DLGAP4: variants seen among roughly 807,000 people sequenced by gnomAD.
The protein encoded by DLGAP4 is DLG associated protein 4.
Under a neutral mutation model 86.9 loss-of-function variants are expected in DLGAP4, and 18 were observed. That is an observed-to-expected ratio of 0.21 (90% CI 0.14 to 0.31). DLGAP4 has a LOEUF of 0.31. Among genes scored for constraint, DLGAP4 ranks in the 10% least tolerant of loss-of-function variants. The probability of loss-of-function intolerance (pLI) is 1.00; values close to 1 mark genes in which losing one functional copy is unlikely to be tolerated. For synonymous variants in DLGAP4, 548 were observed against 574.3 expected, an observed-to-expected ratio of 0.95 and a Z score of 0.65; for missense variants, 1,085 against 1,362.6, an observed-to-expected ratio of 0.80 and a Z score of 3.21.
intron 7 of DLGAP4, among the ~76,000 whole-genome samples, chr20:36,449,924 T>C (rs572068981): frequency 2.0e-5 from 3 of 152,250 alleles, no homozygotes; most frequent in African/African-American, 4.8e-5. Flanking sequence ...CTGCTCCACA[T>C]GTCTTTCATC....
chr20:36,501,971 T>G (rs1281144709), intron 10 of DLGAP4, among the ~76,000 whole-genome samples: 1 of 152,216 alleles, frequency 6.6e-6, no homozygotes, highest in East Asian at 1.9e-4. Context: ...CCGCCCTACC[T>G]GGGCCTTTCC....
intron 8 of DLGAP4, chr20:36,499,059 C>G (rs978857863): frequency 1.8e-5 from 11 of 609,774 alleles, no homozygotes; most frequent in Middle Eastern, 2.8e-4. Context: ...AGGGTTTGCC[C>G]TTAGTGCAGG....
At chr20:36,418,195 C>T (rs1348679353) in intron 2 of DLGAP4, among the ~76,000 whole-genome samples, 1 of 151,990 alleles carries the variant, frequency 6.6e-6, no homozygotes, top group African/African-American at 2.4e-5. Context: ...CTCACTGTAA[C>T]CTCTGCCTCC....
chr20:36,350,361 G>A lies in DLGAP4; in HGVS notation c.-303-16684G>A, dbSNP rs1156504282. 6.6e-6 allele frequency among the ~76,000 whole-genome samples: 1 copy of A among 152,212 alleles called. No homozygotes were observed. Among genetic ancestry groups the A allele is most frequent in the Admixed American group, 6.5e-5 (1 of 15,292 alleles). ...AGAGCAGTCCCTCCTGGGTGGGGCA[G>A]TGGGGTCCTGTGACCTTATCCATCC... is the stretch of plus-strand genomic sequence containing the variant. On this transcript the variant is annotated intron_variant, in intron 1 of 12. Coordinates refer to ENST00000339266, the MANE Select transcript of DLGAP4 (RefSeq NM_001365621.2). The surrounding 1 kb of genome is among the most constrained non-coding windows in gnomAD (Gnocchi z 4.4).
At position 36,360,248 on chromosome 20, in the gene DLGAP4, G is replaced by C. The variant is rs564156287; in HGVS notation, c.-303-6797G>C. Among the ~76,000 whole-genome samples, 4 of 152,334 alleles carry C rather than the reference G, an allele frequency of 2.6e-5. No homozygotes were observed. In the South Asian group the frequency reaches 8.3e-4, roughly 32 times the overall value. ...ACACAGCTATGAGGCGGTAGAGCTG[G>C]TATCTGACCCCAGGCTGTTTAGCTC... is the stretch of plus-strand genomic sequence containing the variant. On this transcript the variant is annotated intron_variant, in intron 1 of 12. Coordinates refer to ENST00000339266, the MANE Select transcript of DLGAP4 (RefSeq NM_001365621.2).
rs193215977 is a variant in DLGAP4, at chr20:36,513,502, T to C, written c.2513-10748T>C. Among the ~76,000 whole-genome samples the C allele has an allele frequency of 4.3e-5, 6 of 140,918 alleles. No individual in the cohort carries two copies. In the South Asian group the frequency reaches 8.8e-4, roughly 21 times the overall value. The allele number at this position is 140,918 out of a possible 152,430, so 92.4% of individuals were successfully genotyped here. A position where few individuals can be genotyped will look rare whatever the true frequency, so the allele number is the denominator to read the frequency against. On this transcript the variant is annotated intron_variant, in intron 10 of 12. Transcript: ENST00000339266. Reference sequence around the variant, plus strand: ...AGCGGAGCTTGCAGTGAGCCGAGATTGCGCCACTGCAGTCCGCAATCCGGC... The same window carrying C: ...AGCGGAGCTTGCAGTGAGCCGAGATCGCGCCACTGCAGTCCGCAATCCGGC...
At chr20:36,399,234 C>T (rs2032085078) in intron 2 of DLGAP4, among the ~76,000 whole-genome samples, 1 of 152,052 alleles carries the variant, frequency 6.6e-6, no homozygotes, top group Non-Finnish European at 1.5e-5. Flanking sequence ...AAAACAAAAA[C>T]AAAAACATAA....
intron 2 of DLGAP4, among the ~76,000 whole-genome samples, chr20:36,430,142 G>A (rs530240960): frequency 9.8e-5 from 15 of 152,324 alleles, no homozygotes; most frequent in Non-Finnish European, 1.8e-4. Context: ...CCTAAGTTTT[G>A]GACTAGTATT....
At chr20:36,491,072 G>GGT (rs2035643180) in intron 7 of DLGAP4, among the ~76,000 whole-genome samples, 1 of 151,402 alleles carries the variant, frequency 6.6e-6, no homozygotes, top group African/African-American at 2.4e-5. Context: ...AGCCAGGCAT[G>GGT]GTGGTGCATG....
chr20:36,493,314 G>A (rs1273725849), intron 7 of DLGAP4: 1 of 152,242 alleles, frequency 6.6e-6, no homozygotes, highest in African/African-American at 2.4e-5. Context: ...TCAGTGGAGA[G>A]GGCATTCGCA....
intron 9 of DLGAP4, among the ~76,000 whole-genome samples, chr20:36,499,923 C>T (rs983945563): frequency 8.5e-5 from 13 of 152,204 alleles, no homozygotes; most frequent in African/African-American, 2.9e-4. Flanking sequence ...GCGTCAGCTG[C>T]CCTGATGCTG....
At chr20:36,380,520 C>T (rs957463819) in intron 2 of DLGAP4, among the ~76,000 whole-genome samples, 2 of 151,324 alleles carry the variant, frequency 1.3e-5, no homozygotes, top group Non-Finnish European at 2.9e-5. Flanking sequence ...CCCAAGAATT[C>T]GAGGTTACAG....
rs903242733 is a variant in DLGAP4 at position 36,350,319 on chromosome 20, G to A, written c.-303-16726G>A. Among the ~76,000 whole-genome samples the A allele has an allele frequency of 1.3e-5, 2 of 152,190 alleles. No individual in the cohort carries two copies. Among genetic ancestry groups the A allele is most frequent in the Admixed American group, 6.5e-5 (1 of 15,288 alleles). On this transcript the variant is annotated intron_variant, in intron 1 of 12. Transcript: ENST00000339266. This position sits in a 1 kb window ranked among gnomAD's most constrained non-coding sequence, Gnocchi z 4.4. ...GTAGCCCAGCAGCTGTGGGAGGCGG[G>A]AGCAAGTGCCTGGGTGAGAGCAGTC...
chr20:36,420,363 T>C (rs1283615157), intron 2 of DLGAP4, among the ~76,000 whole-genome samples: 1 of 152,094 alleles, frequency 6.6e-6, no homozygotes, highest in African/African-American at 2.4e-5. Context: ...TCTCAGTGGA[T>C]GTAGCCTGTG....
intron 6 of DLGAP4, among the ~76,000 whole-genome samples, chr20:36,444,672 G>A (rs532580312): frequency 4.4e-4 from 67 of 152,060 alleles, no homozygotes; most frequent in African/African-American, 1.4e-3. Context: ...ATGGAGTCTC[G>A]TTTTATCACC....
intron 7 of DLGAP4, chr20:36,461,389 A>ACG: frequency 3.3e-6 from 3 of 918,512 alleles, no homozygotes; most frequent in South Asian, 9.9e-5. Context: ...GTCCCTGACG[A>ACG]CGCGCGCGCG....
chr20:36,368,288 G>C (rs2030774175), intron 2 of DLGAP4, among the ~76,000 whole-genome samples: 1 of 152,116 alleles, frequency 6.6e-6, no homozygotes, highest in African/African-American at 2.4e-5. Context: ...TCAGCAAGGT[G>C]GCCAGCCCCT....
chr20:36,519,230 G>A (rs959345777), intron 10 of DLGAP4, among the ~76,000 whole-genome samples: 2 of 152,122 alleles, frequency 1.3e-5, no homozygotes, highest in African/African-American at 2.4e-5. Flanking sequence ...AGTGAGCCGT[G>A]ATGGCACCAC....
chr20:36,449,619 TC>T (rs1453520635), intron 7 of DLGAP4, among the ~76,000 whole-genome samples: 1 of 151,942 alleles, frequency 6.6e-6, no homozygotes, highest in Non-Finnish European at 1.5e-5. Flanking sequence ...AAGGATAACA[TC>T]CCCCACATCC....
Sources: gnomAD v4.1 joint callset for allele counts (sites outside exome capture counted in the v4.1 genomes callset) on GRCh38, gnomAD v4.1.1 for gene constraint, Gnocchi (gnomAD v3.1) non-coding constraint, MANE v1.5 for transcripts, NCBI Gene and HGNC (gene_info 2026-07-23, HGNC 2026-07-21) for gene names.